The following SNIP1 variants were observed in gnomAD, a reference collection of about 807,000 sequenced individuals.
SNIP1 encodes the protein smad nuclear-interacting protein 1.
In SNIP1, 23 loss-of-function variants were observed where a neutral mutation model predicts 37.4. The ratio of observed to expected loss-of-function variants is 0.61; its 90% confidence interval spans 0.44 to 0.87. SNIP1 has a LOEUF of 0.87. Ranked by LOEUF, SNIP1 falls within the 40% of genes least tolerant of loss-of-function variation. The pLI is 0.00. For synonymous variants in SNIP1, 174 were observed against 200.0 expected (o/e 0.87, Z 1.10); for missense variants, 459 against 540.4 (o/e 0.85, Z 1.49).
At chr1:37,547,359 G>C (rs1417495733) in intron 2 of SNIP1, among the ~76,000 whole-genome samples, 1 of 152,112 alleles carries the variant, frequency 6.6e-6, no homozygotes, top group African/African-American at 2.4e-5. Context: ...GGGGACGAGA[G>C]AAGTAAACCA....
Position 37,540,447 on chromosome 1 carries a change from G to A in SNIP1, c.636C>T (p.Asn212=). The A allele has an allele frequency of 6.2e-7, 1 of 1,613,942 alleles. No individual in the cohort carries two copies. The highest frequency in any genetic ancestry group is 8.5e-7 in the Non-Finnish European group (1 of 1,179,960). The change falls in exon 3 of 4, where the codon AAC becomes AAT. Residue 212 remains asparagine (N), a synonymous_variant. Coordinates refer to ENST00000296215, the MANE Select transcript of SNIP1 (RefSeq NM_024700.4). The surrounding 1 kb of genome is among the most constrained non-coding windows in gnomAD (Gnocchi z 5.6). The part of the protein sequence containing the change: ...SQELVPRPGG[N]NKEKEVPAKE... Reference sequence around the variant, plus strand: ...TAGCGGGCACCTCTTTTTCTTTGTTGTTGCCACCAGGCCGAGGAACCAACT... The same window carrying A: ...TAGCGGGCACCTCTTTTTCTTTGTTATTGCCACCAGGCCGAGGAACCAACT...
chr1:37,540,845 A>G lies in SNIP1; in HGVS notation c.328-90T>C. Reference sequence around the variant, plus strand: ...TTCTTTTTGAACGAAGTGCATGCAAAAAGTCTTGTAATTTGGACTTTGGCA... The same window carrying G: ...TTCTTTTTGAACGAAGTGCATGCAAGAAGTCTTGTAATTTGGACTTTGGCA... On this transcript the variant is annotated intron_variant, in intron 2 of 3. Transcript: ENST00000296215. This position sits in a 1 kb window ranked among gnomAD's most constrained non-coding sequence, Gnocchi z 5.6. 1.6e-6 allele frequency: 2 copies of G among 1,275,184 alleles called. No individual in the cohort carries two copies. The highest frequency in any genetic ancestry group is 2.1e-6 in the Non-Finnish European group (2 of 932,358). The allele number at this position is 1,275,184 out of a possible 1,614,324, so 79.0% of individuals were successfully genotyped here. A position where few individuals can be genotyped will look rare whatever the true frequency, so the allele number is the denominator to read the frequency against.
intron 3 of SNIP1, among the ~76,000 whole-genome samples, chr1:37,539,067 C>A (rs542925221): frequency 1.3e-4 from 20 of 152,096 alleles, no homozygotes; most frequent in Non-Finnish European, 2.8e-4. Context: ...TCACCCATCA[C>A]CCCCAGATGG....
intron 2 of SNIP1, among the ~76,000 whole-genome samples, chr1:37,543,214 G>A (rs1380611207): frequency 8.5e-5 from 13 of 152,078 alleles, no homozygotes; most frequent in Admixed American, 6.6e-4. Flanking sequence ...AGAAGGTACA[G>A]GAAAAATGGG....
intron 2 of SNIP1, chr1:37,544,682 G>A: frequency 1.8e-6 from 1 of 559,732 alleles, no homozygotes; most frequent in Non-Finnish European, 3.3e-6. Context: ...CCTCTTCACT[G>A]GGCCCTCTGA....
chr1:37,550,819 G>A (rs1643291353), intron 2 of SNIP1, among the ~76,000 whole-genome samples: 1 of 151,964 alleles, frequency 6.6e-6, no homozygotes, highest in African/African-American at 2.4e-5. Flanking sequence ...TCCAAGGCCA[G>A]GTGCAGTGGC....
rs763073886 is a variant in SNIP1, at chr1:37,554,241, G to A, written c.-12C>T. 124 of 1,585,366 alleles carry A rather than the reference G, an allele frequency of 7.8e-5. No homozygotes were observed. The Admixed American group carries it at 1.9e-3, about 25-fold the overall frequency. ...TTCACCGCCTTCATTCTGTGATTTT[G>A]GCTGGGCGAAAGAAAACAGATCAGT... On this transcript the variant is annotated 5_prime_UTR_variant, in exon 1 of 4. Coordinates refer to ENST00000296215, the MANE Select transcript of SNIP1 (RefSeq NM_024700.4).
At chr1:37,547,490 T>C (rs944694580) in intron 2 of SNIP1, among the ~76,000 whole-genome samples, 1 of 152,118 alleles carries the variant, frequency 6.6e-6, no homozygotes, top group African/African-American at 2.4e-5. Context: ...TCCCAGCACT[T>C]TGGGAGGCTG....
intron 1 of SNIP1, 74 bp downstream of exon 1, chr1:37,553,932 T>C (rs972252271): frequency 6.8e-7 from 1 of 1,478,866 alleles, no homozygotes; most frequent in Non-Finnish European, 9.2e-7. Context: ...CAAAACCTGT[T>C]TCGGACGCTA....
rs1643063140 is a variant in SNIP1 at position 37,534,622 on chromosome 1, G to T, written c.*3126C>A. 1 of 152,154 alleles carries T rather than the reference G, an allele frequency of 6.6e-6. No individual in the cohort carries two copies. The highest frequency in any genetic ancestry group is 6.5e-5 in the Admixed American group (1 of 15,276). 9.4% of individuals were successfully genotyped at this position (152,154 alleles called of 1,614,324 possible). A position where few individuals can be genotyped will look rare whatever the true frequency, so the allele number is the denominator to read the frequency against. On this transcript the variant is annotated 3_prime_UTR_variant, in exon 4 of 4. Coordinates refer to ENST00000296215, the MANE Select transcript of SNIP1 (RefSeq NM_024700.4). The stretch of plus-strand genomic sequence containing the variant: ...TTAAATGACATCATTTTGTTCCTCA[G>T]ATCCTGACATACACAATGAAAGTAT...
chr1:37,535,398 A>C lies in SNIP1; in HGVS notation c.*2350T>G. On this transcript the variant is annotated 3_prime_UTR_variant, in exon 4 of 4. Coordinates refer to ENST00000296215, the MANE Select transcript of SNIP1 (RefSeq NM_024700.4). ...CAGAGTGAGACGCCATCTCAAAACA[A>C]ACAAACCAACAAAAAAACCCACCTT... 1 of 151,284 alleles carries C rather than the reference A, an allele frequency of 6.6e-6. No individual in the cohort carries two copies. The highest frequency in any genetic ancestry group is 1.5e-5 in the Non-Finnish European group (1 of 67,892). 9.4% of individuals were successfully genotyped at this position (151,284 alleles called of 1,614,324 possible).
intron 2 of SNIP1, among the ~76,000 whole-genome samples, chr1:37,552,298 T>C (rs1643309946): frequency 6.6e-6 from 1 of 152,236 alleles, no homozygotes; most frequent in South Asian, 2.1e-4. Context: ...AAATGTTATC[T>C]TGACTATATC....
intron 2 of SNIP1, 81 bp downstream of exon 2, chr1:37,552,564 A>C: frequency 8.5e-7 from 1 of 1,179,268 alleles, no homozygotes; most frequent in Non-Finnish European, 1.3e-6. Flanking sequence ...GCACACACAC[A>C]ACACACACAC....
intron 2 of SNIP1, among the ~76,000 whole-genome samples, chr1:37,551,201 C>T (rs974740356): frequency 6.4e-5 from 9 of 140,480 alleles, no homozygotes; most frequent in Admixed American, 6.2e-4. Context: ...ACTCAGAAGG[C>T]GGAGGTCGCA....
At chr1:37,548,152 CAAAAAAA>C (rs35503081) in intron 2 of SNIP1, among the ~76,000 whole-genome samples, 22 of 65,348 alleles carry the variant, frequency 3.4e-4, no homozygotes, top group Admixed American at 2.3e-4. Context: ...GACTCCATAT[CAAAAAAA>C]AAAAAAAAAA....
intron 2 of SNIP1, 48 bp downstream of exon 2, chr1:37,552,597 G>C: frequency 1.4e-6 from 2 of 1,457,152 alleles, no homozygotes; most frequent in Non-Finnish European, 1.9e-6. Context: ...AGCTGTGATA[G>C]GAAAAGGCTC....
At chr1:37,549,402 T>C (rs1169576986) in intron 2 of SNIP1, among the ~76,000 whole-genome samples, 1 of 152,142 alleles carries the variant, frequency 6.6e-6, no homozygotes, top group Non-Finnish European at 1.5e-5. Context: ...ACAAATCCTA[T>C]CAAAATCCTA....
rs537046006 is a variant in SNIP1 at position 37,536,746 on chromosome 1, A to G, written c.*1002T>C. 25 of 152,336 alleles carry G rather than the reference A, an allele frequency of 1.6e-4. No homozygotes were observed. The highest frequency in any genetic ancestry group is 5.8e-4 in the African/African-American group (24 of 41,570). 9.4% of individuals were successfully genotyped at this position (152,336 alleles called of 1,614,324 possible). A position where few individuals can be genotyped will look rare whatever the true frequency, so the allele number is the denominator to read the frequency against. ...ACACATATTCCTCTGGTGGAAAACT[A>G]GGACACTGGGAAATTCCCCTGCTTT... On this transcript the variant is annotated 3_prime_UTR_variant, in exon 4 of 4. Transcript: ENST00000296215.
At chr1:37,552,558 A>G (rs747718346) in intron 2 of SNIP1, 87 bp downstream of exon 2, 372 of 1,110,722 alleles carry the variant, frequency 3.3e-4, no homozygotes, top group Non-Finnish European at 4.8e-4. Context: ...ATGTGTGCAC[A>G]CACACAACAC....
Sources: allele counts gnomAD v4.1 joint callset (sites outside exome capture counted in the v4.1 genomes callset), GRCh38; gene constraint gnomAD v4.1.1; non-coding constraint Gnocchi (gnomAD v3.1); transcripts MANE v1.5; gene names NCBI Gene and HGNC (gene_info 2026-07-23, HGNC 2026-07-21).